ECT2L: variants seen among roughly 807,000 people sequenced by gnomAD.
ECT2L encodes epithelial cell-transforming sequence 2 oncogene-like.
A neutral mutation model predicts 122.8 loss-of-function variants in ECT2L; 126 were observed. The observed-to-expected ratio is 1.03, with a 90% CI of 0.89 to 1.19. The LOEUF (loss-of-function observed/expected upper bound fraction) is 1.19. Ranked by LOEUF, ECT2L falls within the 50% of genes most tolerant of loss-of-function variation. The probability of loss-of-function intolerance (pLI) is 0.00; values close to 1 mark genes in which losing one functional copy is unlikely to be tolerated. For synonymous variants in ECT2L, 385 were observed against 381.8 expected (o/e 1.01, Z -0.10); for missense variants, 1,012 against 1,064.1 (o/e 0.95, Z 0.68).
intron 4 of ECT2L, among the ~76,000 whole-genome samples, chr6:138,836,325 G>A (rs144516006): frequency 0.025 from 3,237 of 131,390 alleles, 127 homozygotes; most frequent in African/African-American, 0.089. Flanking sequence ...AGTTTTGCTC[G>A]TCACCCAGGC....
chr6:138,838,308 T>G (rs1776915298), intron 4 of ECT2L, 44 bp from the exon 5 acceptor site: 1 of 1,503,120 alleles, frequency 6.7e-7, no homozygotes, highest in Non-Finnish European at 8.9e-7. Flanking sequence ...TTTTAGTAAA[T>G]TTTAGACATT....
rs773167628 is a variant in ECT2L, at chr6:138,868,119, C to T, written c.1491C>T (p.Asp497=). Residue 497 remains aspartate (D), a synonymous_variant, in exon 13 of 22, where the codon GAC becomes GAT. Coordinates refer to ENST00000541398, the MANE Select transcript of ECT2L (RefSeq NM_001077706.3). ...TATTTACAGGGCAGTTTATGTTTGA[C>T]ACCATGGGTATGACCAACATTCTAA... ...SGRMIGQFMF[D]TMGMTNILNN... The T allele has an allele frequency of 7.5e-6, 12 of 1,608,222 alleles. No individual in the cohort carries two copies. The highest frequency in any genetic ancestry group is 1.6e-4 in the Middle Eastern group (1 of 6,062).
chr6:138,838,184 G>C (rs974394394), intron 4 of ECT2L, among the ~76,000 whole-genome samples, 168 bp from the exon 5 acceptor site: 1 of 152,170 alleles, frequency 6.6e-6, no homozygotes, highest in South Asian at 2.1e-4. Context: ...TTACAAGCAT[G>C]AGCCACGGCA....
At chr6:138,889,913 T>C (rs779243246) in intron 20 of ECT2L, among the ~76,000 whole-genome samples, 13 of 152,126 alleles carry the variant, frequency 8.5e-5, no homozygotes, top group African/African-American at 2.9e-4. Flanking sequence ...GGCCAAATGA[T>C]ATCTGTGGCA....
chr6:138,862,219 A>G, intron 10 of ECT2L, among the ~76,000 whole-genome samples: 1 of 152,266 alleles, frequency 6.6e-6, no homozygotes. Flanking sequence ...TTATAAAGAG[A>G]AGAGGTTTAA....
Position 138,854,153 on chromosome 6 carries a change from AG to A in ECT2L, c.1198+1del. On this transcript the variant is annotated frameshift_variant and splice_region_variant, in exon 10 of 22. Transcript: ENST00000541398. LOFTEE classifies it high-confidence loss of function. ...VDFFVPLGASEAGIEVLSQLS... is the reference protein window; with the variant it reads ...VDFFVPLGASXAGIEVLSQLS... Reference sequence around the variant, plus strand: ...ACTTCTTCGTGCCCCTTGGAGCATCAGGTTAGCTCAGAACACCTTATAGAGA... The same window carrying A: ...ACTTCTTCGTGCCCCTTGGAGCATCAGTTAGCTCAGAACACCTTATAGAGA... The A allele has an allele frequency of 1.2e-6, 2 of 1,612,872 alleles. No homozygotes were observed. Among genetic ancestry groups the A allele is most frequent in the South Asian group, 2.2e-5 (2 of 90,934 alleles).
chr6:138,871,980 A>AAT (rs1562485108), intron 13 of ECT2L, among the ~76,000 whole-genome samples: 2 of 148,500 alleles, frequency 1.3e-5, no homozygotes, highest in African/African-American at 4.9e-5. Context: ...TTATTTTTTA[A>AAT]TTTTTTTTTT....
At chr6:138,833,823 T>TAAA (rs10661959) in intron 4 of ECT2L, among the ~76,000 whole-genome samples, 15 of 150,030 alleles carry the variant, frequency 1.0e-4, no homozygotes, top group African/African-American at 1.5e-4. Flanking sequence ...AATAAATAAT[T>TAAA]AAAAAAAAAT....
chr6:138,802,370 T>C (rs904294246), intron 1 of ECT2L, among the ~76,000 whole-genome samples: 4 of 152,268 alleles, frequency 2.6e-5, no homozygotes, highest in Non-Finnish European at 5.9e-5. Flanking sequence ...AATAAGTGTT[T>C]GTTATTTTAA....
chr6:138,864,002 T>TTA lies in ECT2L; in HGVS notation c.1292-994_1292-993insTA, dbSNP rs1417290086. The stretch of plus-strand genomic sequence containing the variant: ...CTCTCTTGTTCTCATTCTCCGTATT[T>TTA]AAAAAAAAAAAAAAAAAAAAAAAAA... On this transcript the variant is annotated intron_variant, in intron 11 of 21. Transcript: ENST00000541398. 2.3e-3 allele frequency among the ~76,000 whole-genome samples: 126 copies of TTA among 55,866 alleles called. 2 individuals carry two copies. The highest frequency in any genetic ancestry group is 9.2e-3 in the African/African-American group (117 of 12,770). 36.7% of individuals were successfully genotyped at this position (55,866 alleles called of 152,430 possible).
intron 4 of ECT2L, among the ~76,000 whole-genome samples, chr6:138,827,081 G>A (rs1776476572): frequency 6.6e-6 from 1 of 152,126 alleles, no homozygotes; most frequent in African/African-American, 2.4e-5. Context: ...AGGTGCGGTG[G>A]TTCATACCTG....
chr6:138,818,604 G>A (rs747541407), intron 4 of ECT2L, among the ~76,000 whole-genome samples: 12 of 152,182 alleles, frequency 7.9e-5, no homozygotes, highest in East Asian at 1.9e-4. Flanking sequence ...ACAGTAAGGC[G>A]GACGTTACTG....
Position 138,862,651 on chromosome 6 carries a change from A to G in ECT2L, c.1223A>G (p.Gln408Arg). 6.2e-7 allele frequency: 1 copy of G among 1,614,186 alleles called. No individual in the cohort carries two copies. The highest frequency in any genetic ancestry group is 8.5e-7 in the Non-Finnish European group (1 of 1,179,988). Residue 408 changes from glutamine (Q) to arginine (R), a missense_variant, in exon 11 of 22, where the codon CAG becomes CGG. Transcript: ENST00000541398. ...GAGGCAGGAATTGAAGTTCTTTCCC[A>G]GCTGTCTCAACTAACTGGCACGTTC... ...ASEAGIEVLS[Q>R]LSQLTGTFFT...
intron 11 of ECT2L, 121 bp downstream of exon 11, chr6:138,862,840 TCCCC>T: frequency 1.4e-6 from 1 of 712,580 alleles, no homozygotes; most frequent in Non-Finnish European, 2.3e-6. Flanking sequence ...CTTTCATTCC[TCCCC>T]TGAAGGAACG....
At position 138,895,704 on chromosome 6, in the gene ECT2L, T is replaced by C. The variant is rs149508456; in HGVS notation, c.2415-5244T>C. Among the ~76,000 whole-genome samples, 255 of 152,164 alleles carry C rather than the reference T, an allele frequency of 1.7e-3. 1 individual carries two copies. Among genetic ancestry groups the C allele is most frequent in the African/African-American group, 6.0e-3 (249 of 41,498 alleles). On this transcript the variant is annotated intron_variant, in intron 20 of 21. Coordinates refer to ENST00000541398, the MANE Select transcript of ECT2L (RefSeq NM_001077706.3). ...TCATGCCTCAGCCTCCCAAAAAAGC[T>C]TGAAGTACAGGGGCGTGCCACCACT...
intron 12 of ECT2L, among the ~76,000 whole-genome samples, chr6:138,867,363 G>C (rs188737620): frequency 1.8e-3 from 275 of 152,088 alleles, no homozygotes; most frequent in African/African-American, 6.2e-3. Flanking sequence ...GCTATTCTTT[G>C]CATTTTTATC....
At chr6:138,813,369 G>A (rs1775962901) in intron 3 of ECT2L, 29 bp downstream of exon 3, 1 of 1,539,054 alleles carries the variant, frequency 6.5e-7, no homozygotes. Flanking sequence ...AACAGAACAA[G>A]TTTAATTCGT....
At chr6:138,880,439 T>C (rs1011651534) in intron 14 of ECT2L, among the ~76,000 whole-genome samples, 1 of 152,168 alleles carries the variant, frequency 6.6e-6, no homozygotes, top group Non-Finnish European at 1.5e-5. Flanking sequence ...TACTGTCACA[T>C]TGGCTACACC....
chr6:138,866,800 T>C (rs1051497809), intron 12 of ECT2L, among the ~76,000 whole-genome samples: 2 of 152,222 alleles, frequency 1.3e-5, no homozygotes, highest in Non-Finnish European at 2.9e-5. Context: ...AAGCCTGGTG[T>C]AGTGGCTCAT....
Sources: allele counts gnomAD v4.1 joint callset (sites outside exome capture counted in the v4.1 genomes callset), GRCh38; gene constraint gnomAD v4.1.1; transcripts MANE v1.5; gene names NCBI Gene and HGNC (gene_info 2026-07-23, HGNC 2026-07-21).